The following ANKIB1 variants were observed in gnomAD, a reference collection of about 807,000 sequenced individuals.
ANKIB1 encodes the protein ankyrin repeat and IBR domain containing 1.
In ANKIB1, 43 loss-of-function variants were observed where a neutral mutation model predicts 122.1. The observed-to-expected ratio is 0.35, with a 90% CI of 0.28 to 0.45. The LOEUF (loss-of-function observed/expected upper bound fraction) is 0.45. Ranked by LOEUF, ANKIB1 falls within the 20% of genes least tolerant of loss-of-function variation. ANKIB1 has a pLI of 1.00. For missense variants in ANKIB1, 992 were observed against 1,329.5 expected, an observed-to-expected ratio of 0.75 and a Z score of 3.95; for synonymous variants, 390 against 442.0, an observed-to-expected ratio of 0.88 and a Z score of 1.48.
intron 10 of ANKIB1, among the ~76,000 whole-genome samples, chr7:92,363,654 C>T (rs1249627647): frequency 6.6e-6 from 1 of 152,160 alleles, no homozygotes; most frequent in Non-Finnish European, 1.5e-5. Context: ...ATCTCTGCCT[C>T]GTAGTAGGTA....
intron 1 of ANKIB1, among the ~76,000 whole-genome samples, chr7:92,284,224 A>G (rs1266242161): frequency 6.6e-6 from 1 of 152,160 alleles, no homozygotes; most frequent in East Asian, 1.9e-4. Flanking sequence ...AGATTTTAAC[A>G]ATCTGTTTTA....
chr7:92,338,934 AT>A (rs1562786312), intron 5 of ANKIB1, among the ~76,000 whole-genome samples: 770 of 13,432 alleles, frequency 0.057, 53 homozygotes, highest in African/African-American at 0.098. Flanking sequence ...AAAAAAAAAA[AT>A]ATATATATAT....
intron 11 of ANKIB1, among the ~76,000 whole-genome samples, 190 bp from the exon 12 acceptor site, chr7:92,386,319 C>G (rs1804649066): frequency 6.6e-6 from 1 of 152,042 alleles, no homozygotes. Context: ...TTTAAACTAC[C>G]CCCACATCTT....
At chr7:92,365,822 A>AGG (rs68109065) in intron 10 of ANKIB1, among the ~76,000 whole-genome samples, 10,294 of 43,048 alleles carry the variant, frequency 0.24, 984 homozygotes, top group East Asian at 0.48. Context: ...TTTTTGAGAC[A>AGG]GTCTCGCTCT....
At chr7:92,319,624 C>A in intron 4 of ANKIB1, 112 bp downstream of exon 4, 1 of 1,048,616 alleles carries the variant, frequency 9.5e-7, no homozygotes, top group Non-Finnish European at 1.4e-6. Context: ...TTACAGTATT[C>A]TAAATATCCT....
At chr7:92,306,225 T>A (rs1361863286) in intron 2 of ANKIB1, among the ~76,000 whole-genome samples, 2 of 152,170 alleles carry the variant, frequency 1.3e-5, no homozygotes, top group African/African-American at 4.8e-5. Flanking sequence ...TTCAGAAGAC[T>A]ATAATGGCTC....
At chr7:92,310,254 AT>A (rs1802663628) in intron 3 of ANKIB1, among the ~76,000 whole-genome samples, 4 of 152,068 alleles carry the variant, frequency 2.6e-5, no homozygotes, top group Non-Finnish European at 4.4e-5. Flanking sequence ...AAGTCACATC[AT>A]TTGATGATTG....
chr7:92,387,972 T>A lies in ANKIB1; in HGVS notation c.1840-3T>A, dbSNP rs754600122. The A allele has an allele frequency of 1.3e-6, 2 of 1,589,404 alleles. No homozygotes were observed. The highest frequency in any genetic ancestry group is 1.3e-5 in the African/African-American group (1 of 74,468). On this transcript the variant is annotated splice_polypyrimidine_tract_variant and splice_region_variant and intron_variant, in intron 13 of 19. Transcript: ENST00000265742. ...TTTAAATTCTTTATTTCTATTCCTT[T>A]AGCTAGAACAACGCCTTCTTAAAAC...
intron 1 of ANKIB1, among the ~76,000 whole-genome samples, chr7:92,281,147 T>C (rs1356917563): frequency 6.6e-6 from 1 of 152,238 alleles, no homozygotes; most frequent in Non-Finnish European, 1.5e-5. Flanking sequence ...TTATGTAATT[T>C]ACATAATTTA....
At chr7:92,295,212 C>A in intron 2 of ANKIB1, 46 bp downstream of exon 2, 1 of 1,313,382 alleles carries the variant, frequency 7.6e-7, no homozygotes, top group South Asian at 2.1e-5. Context: ...TTACCGTAAA[C>A]TAATTGGTAA....
intron 1 of ANKIB1, among the ~76,000 whole-genome samples, chr7:92,284,146 A>G (rs1245860353): frequency 6.6e-6 from 1 of 151,750 alleles, no homozygotes; most frequent in Non-Finnish European, 1.5e-5. Flanking sequence ...ACTGTACCTT[A>G]AGTTATGTTC....
chr7:92,381,927 A>G (rs761330434), intron 11 of ANKIB1, among the ~76,000 whole-genome samples: 10 of 152,242 alleles, frequency 6.6e-5, no homozygotes, highest in East Asian at 1.9e-4. Flanking sequence ...CAATGCTCCA[A>G]TTAAAAGACA....
At chr7:92,330,272 A>T (rs1010359561) in intron 5 of ANKIB1, among the ~76,000 whole-genome samples, 3 of 152,104 alleles carry the variant, frequency 2.0e-5, no homozygotes, top group African/African-American at 7.2e-5. Flanking sequence ...TTTCCTTTAT[A>T]TTAACCTTGA....
chr7:92,263,404 G>A (rs1277231624), intron 1 of ANKIB1, among the ~76,000 whole-genome samples: 1 of 152,174 alleles, frequency 6.6e-6, no homozygotes, highest in Non-Finnish European at 1.5e-5. Flanking sequence ...GTTAAAAGAG[G>A]TAAAGCTTAT....
chr7:92,347,767 T>A (rs1426418353), intron 7 of ANKIB1, among the ~76,000 whole-genome samples: 1 of 152,212 alleles, frequency 6.6e-6, no homozygotes, highest in African/African-American at 2.4e-5. Context: ...AGTTGTTGAT[T>A]TAGGTAATTG....
intron 1 of ANKIB1, among the ~76,000 whole-genome samples, chr7:92,263,309 AT>A (rs1294947202): frequency 6.6e-6 from 1 of 152,220 alleles, no homozygotes; most frequent in Non-Finnish European, 1.5e-5. Context: ...ATTGGTTAAC[AT>A]TTTGTCCTGT....
chr7:92,332,847 T>G (rs1394792184), intron 5 of ANKIB1, among the ~76,000 whole-genome samples: 2 of 152,192 alleles, frequency 1.3e-5, no homozygotes, highest in Non-Finnish European at 2.9e-5. Context: ...TATTTCATAC[T>G]GTATGTAATT....
rs1331405022 is a variant in ANKIB1, at chr7:92,298,372, AC to A, written c.188+3208del. ...TGATTAATTAAAACTTATTTATAAT[AC>A]CAATATAAAATGTATTTAAGTATTA... On this transcript the variant is annotated intron_variant, in intron 2 of 19. Coordinates refer to ENST00000265742, the MANE Select transcript of ANKIB1 (RefSeq NM_019004.2). 5.3e-5 allele frequency among the ~76,000 whole-genome samples: 8 copies of A among 152,120 alleles called. No individual in the cohort carries two copies. In the South Asian group the frequency reaches 1.7e-3, roughly 32 times the overall value.
At chr7:92,265,030 C>G (rs1801641732) in intron 1 of ANKIB1, among the ~76,000 whole-genome samples, 1 of 152,128 alleles carries the variant, frequency 6.6e-6, no homozygotes, top group South Asian at 2.1e-4. Flanking sequence ...GGAGAGAGTT[C>G]AGTGGTGCTA....
Sources: allele counts gnomAD v4.1 joint callset (sites outside exome capture counted in the v4.1 genomes callset), GRCh38; gene constraint gnomAD v4.1.1; transcripts MANE v1.5; gene names NCBI Gene and HGNC (gene_info 2026-07-23, HGNC 2026-07-21).